Variants in MECOM observed in about 807,000 individuals in gnomAD.
The protein encoded by MECOM is histone-lysine N-methyltransferase MECOM.
MECOM carries 13 observed loss-of-function variants against 116.3 expected under a neutral mutation model. The ratio of observed to expected loss-of-function variants is 0.11; its 90% CI spans 0.07 to 0.18. The LOEUF (loss-of-function observed/expected upper bound fraction) is 0.18. Among genes scored for constraint, MECOM ranks in the 10% least tolerant of loss-of-function variants. The pLI, the probability that MECOM is intolerant of heterozygous loss-of-function variation, is 1.00. For missense variants in MECOM, 1,299 were observed against 1,509.0 expected (o/e 0.86, Z 2.31); for synonymous variants, 528 against 535.2 (o/e 0.99, Z 0.19).
intron 1 of MECOM, among the ~76,000 whole-genome samples, chr3:169,487,629 G>A (rs1752563568): frequency 6.6e-6 from 1 of 151,646 alleles, no homozygotes; most frequent in East Asian, 1.9e-4. Flanking sequence ...AGAAAGCAGG[G>A]CAAATACAAA....
intron 1 of MECOM, among the ~76,000 whole-genome samples, chr3:169,490,531 T>A (rs1181165030): frequency 6.6e-6 from 1 of 152,200 alleles, no homozygotes; most frequent in Non-Finnish European, 1.5e-5. Context: ...AATAAATCTG[T>A]TGAATCTTTA....
At chr3:169,423,229 T>A (rs1740060154) in intron 1 of MECOM, among the ~76,000 whole-genome samples, 1 of 152,060 alleles carries the variant, frequency 6.6e-6, no homozygotes, top group Admixed American at 6.6e-5. Flanking sequence ...TGTCACTGAT[T>A]CACAAAAGGC....
intron 2 of MECOM, among the ~76,000 whole-genome samples, chr3:169,223,182 G>T (rs1355630480): frequency 6.6e-6 from 1 of 151,688 alleles, no homozygotes; most frequent in Non-Finnish European, 1.5e-5. Context: ...ACAACATGCA[G>T]GTTTGTTACA....
intron 1 of MECOM, among the ~76,000 whole-genome samples, chr3:169,448,406 G>C (rs1353292238): frequency 1.3e-5 from 2 of 152,104 alleles, no homozygotes; most frequent in African/African-American, 4.8e-5. Flanking sequence ...CTTCAAGACA[G>C]TGTTTTCACC....
Position 169,601,016 on chromosome 3 carries a change from A to T in MECOM, c.37+62320T>A, listed in dbSNP as rs552639042. On this transcript the variant is annotated intron_variant, in intron 1 of 16. Transcript: ENST00000651503. ...CAAACTTCAAAAACTCCATTTCTAC[A>T]TCTGGAGATTTATGCAATAATCGCT... 5.3e-5 allele frequency among the ~76,000 whole-genome samples: 8 copies of T among 152,362 alleles called. No individual in the cohort carries two copies. In the South Asian group the frequency reaches 1.7e-3, roughly 32 times the overall value.
In MECOM at chr3:169,363,909, T is replaced by C. The variant is rs16853581; in HGVS notation, c.375+17278A>G. 4.1e-4 allele frequency among the ~76,000 whole-genome samples: 62 copies of C among 152,088 alleles called. 1 individual carries two copies. The East Asian group carries it at 0.011, about 26-fold the overall frequency. On this transcript the variant is annotated intron_variant, in intron 2 of 16. Transcript: ENST00000651503. ...ATCTACATATTTTGTTTCTCCTCAT[T>C]AAACTGGAGACATCAGTGACAAACT...
intron 1 of MECOM, among the ~76,000 whole-genome samples, chr3:169,534,938 C>T (rs1236566729): frequency 1.3e-5 from 2 of 152,184 alleles, no homozygotes; most frequent in African/African-American, 4.8e-5. Context: ...CATGGGCAAC[C>T]TCTCCATTTA....
intron 3 of MECOM, among the ~76,000 whole-genome samples, chr3:169,137,685 T>A (rs1384999829): frequency 2.0e-5 from 3 of 152,102 alleles, no homozygotes; most frequent in African/African-American, 7.2e-5. Context: ...GAGACCAAGA[T>A]ATCTTTGGTG....
intron 2 of MECOM, among the ~76,000 whole-genome samples, chr3:169,219,113 A>C (rs1751778015): frequency 6.6e-6 from 1 of 152,200 alleles, no homozygotes; most frequent in African/African-American, 2.4e-5. Context: ...GTATCACAGA[A>C]TCAAAGGAAT....
intron 2 of MECOM, among the ~76,000 whole-genome samples, chr3:169,179,638 G>A (rs1203469746): frequency 1.3e-5 from 2 of 152,070 alleles, no homozygotes; most frequent in Non-Finnish European, 2.9e-5. Context: ...TTTTTAAAAG[G>A]ACAGAATTAC....
chr3:169,257,561 T>C (rs1352608372), intron 2 of MECOM, among the ~76,000 whole-genome samples: 3 of 152,230 alleles, frequency 2.0e-5, no homozygotes, highest in African/African-American at 7.2e-5. Context: ...CAAGGTCTTA[T>C]TGAAGAAAAT....
At chr3:169,273,297 G>C (rs567277102) in intron 2 of MECOM, among the ~76,000 whole-genome samples, 1 of 152,252 alleles carries the variant, frequency 6.6e-6, no homozygotes, top group Admixed American at 6.5e-5. Context: ...AAATCACAGA[G>C]ATAGATTAAA....
chr3:169,532,378 T>C (rs1351253071), intron 1 of MECOM, among the ~76,000 whole-genome samples: 2 of 152,192 alleles, frequency 1.3e-5, no homozygotes, highest in African/African-American at 4.8e-5. Context: ...TAGAAATCTC[T>C]AACCTAGAAT....
intron 3 of MECOM, among the ~76,000 whole-genome samples, chr3:169,140,319 G>C (rs1737719939): frequency 6.6e-6 from 1 of 152,030 alleles, no homozygotes. Flanking sequence ...AACTTTAAGG[G>C]AAAAATAATT....
chr3:169,177,485 G>A (rs1245914723), intron 2 of MECOM, among the ~76,000 whole-genome samples: 2 of 151,900 alleles, frequency 1.3e-5, no homozygotes, highest in African/African-American at 4.8e-5. Context: ...GAGGGCGAGG[G>A]GAAGGAACTT....
At chr3:169,491,521 T>C (rs1041621446) in intron 1 of MECOM, among the ~76,000 whole-genome samples, 1 of 152,192 alleles carries the variant, frequency 6.6e-6, no homozygotes, top group African/African-American at 2.4e-5. Flanking sequence ...CTCACAATAA[T>C]CAAACATCTT....
chr3:169,626,343 C>T (rs924719068), intron 1 of MECOM, among the ~76,000 whole-genome samples: 1 of 152,160 alleles, frequency 6.6e-6, no homozygotes, highest in Non-Finnish European at 1.5e-5. Flanking sequence ...ACAGACTTTG[C>T]CCAATTAAAG....
chr3:169,374,862 A>G (rs1408175086), intron 2 of MECOM, among the ~76,000 whole-genome samples: 1 of 151,816 alleles, frequency 6.6e-6, no homozygotes, highest in African/African-American at 2.4e-5. Context: ...ATGAGACCCC[A>G]TCTCTACAAA....
At chr3:169,395,941 TTAAA>T (rs972650589) in intron 1 of MECOM, among the ~76,000 whole-genome samples, 1 of 152,130 alleles carries the variant, frequency 6.6e-6, no homozygotes, top group African/African-American at 2.4e-5. Flanking sequence ...ATAAAATTTG[TTAAA>T]TAAATAAATA....
Sources: gnomAD v4.1 joint callset for allele counts (sites outside exome capture counted in the v4.1 genomes callset) on GRCh38, gnomAD v4.1.1 for gene constraint, MANE v1.5 for transcripts, NCBI Gene and HGNC (gene_info 2026-07-23, HGNC 2026-07-21) for gene names.